Variants in DZANK1 observed in about 807,000 individuals in gnomAD.
DZANK1 encodes double zinc ribbon and ankyrin repeat-containing protein 1.
A neutral mutation model predicts 94.5 loss-of-function variants in DZANK1; 91 were observed. The ratio of observed to expected loss-of-function variants is 0.96; its 90% CI spans 0.81 to 1.15. The LOEUF (loss-of-function observed/expected upper bound fraction) is 1.15. DZANK1 is among the 50% of genes most tolerant of loss of function. The pLI is 0.00. For synonymous variants in DZANK1, 312 were observed against 325.3 expected, an observed-to-expected ratio of 0.96 and a Z score of 0.44; for missense variants, 903 against 916.4, an observed-to-expected ratio of 0.99 and a Z score of 0.19.
At chr20:18,395,218 G>A (rs2056269091) in intron 15 of DZANK1, among the ~76,000 whole-genome samples, 1 of 152,104 alleles carries the variant, frequency 6.6e-6, no homozygotes, top group Non-Finnish European at 1.5e-5. Flanking sequence ...AAACTTAGCT[G>A]GGTGTGGTGG....
At chr20:18,460,332 A>G (rs778749823) in intron 2 of DZANK1, 26 bp from the exon 3 acceptor site, 7 of 1,479,444 alleles carry the variant, frequency 4.7e-6, no homozygotes, top group South Asian at 1.3e-5. Context: ...CAGGATAACT[A>G]TAATTAACAC....
At chr20:18,390,412 T>C (rs1358218157) in exon 18 of DZANK1, 1 of 1,613,864 alleles carries the variant, frequency 6.2e-7, no homozygotes, top group East Asian at 2.2e-5. Context: ...CAGAGACTCT[T>C]CCTTCCCCCG....
chr20:18,455,688 A>G (rs1482513776), intron 3 of DZANK1, among the ~76,000 whole-genome samples: 1 of 152,180 alleles, frequency 6.6e-6, no homozygotes, highest in Non-Finnish European at 1.5e-5. Flanking sequence ...TGAAGGCTCA[A>G]CTGGGCTGGA....
intron 19 of DZANK1, among the ~76,000 whole-genome samples, chr20:18,388,877 T>G (rs574444855): frequency 2.0e-5 from 3 of 152,364 alleles, no homozygotes; most frequent in African/African-American, 7.2e-5. Context: ...GCAAAGCTAC[T>G]GAAATTTTGG....
intron 9 of DZANK1, 50 bp from the exon 10 acceptor site, chr20:18,427,209 G>C: frequency 7.0e-7 from 1 of 1,425,564 alleles, no homozygotes; most frequent in South Asian, 1.2e-5. Flanking sequence ...AAACAACTGT[G>C]CAAAGAAATC....
intron 8 of DZANK1, among the ~76,000 whole-genome samples, chr20:18,438,533 A>T (rs1216313187): frequency 6.6e-6 from 1 of 152,166 alleles, no homozygotes; most frequent in Non-Finnish European, 1.5e-5. Flanking sequence ...AAAGAGCTAG[A>T]GTAGCTACAT....
intron 7 of DZANK1, among the ~76,000 whole-genome samples, chr20:18,445,058 C>T (rs949758111): frequency 1.8e-4 from 28 of 152,148 alleles, no homozygotes; most frequent in African/African-American, 6.3e-4. Flanking sequence ...CCGCCCACCT[C>T]GGCCTCCCAA....
chr20:18,463,231 T>C (rs769174305), intron 2 of DZANK1, among the ~76,000 whole-genome samples: 1 of 152,150 alleles, frequency 6.6e-6, no homozygotes, highest in Non-Finnish European at 1.5e-5. Context: ...TAGTTGGAGG[T>C]CATAATCCTA....
chr20:18,397,815 C>T (rs1439222379), intron 14 of DZANK1, among the ~76,000 whole-genome samples: 4 of 152,124 alleles, frequency 2.6e-5, no homozygotes, highest in African/African-American at 9.7e-5. Flanking sequence ...CACCTACATG[C>T]GGCCACTCCA....
exon 10 of DZANK1, chr20:18,427,115 G>A (rs1352080264): frequency 6.2e-7 from 1 of 1,612,992 alleles, no homozygotes; most frequent in African/African-American, 1.3e-5. Flanking sequence ...AGTATCTCAG[G>A]TGAGCAGGAT....
intron 15 of DZANK1, among the ~76,000 whole-genome samples, chr20:18,395,557 A>C (rs545661796): frequency 6.6e-6 from 1 of 152,240 alleles, no homozygotes; most frequent in East Asian, 1.9e-4. Context: ...TCCCCAGCAA[A>C]GTGCCCTCAG....
At chr20:18,397,972 C>A (rs541382928) in intron 14 of DZANK1, among the ~76,000 whole-genome samples, 2 of 152,308 alleles carry the variant, frequency 1.3e-5, no homozygotes, top group South Asian at 4.1e-4. Context: ...GTTAGTCAAA[C>A]AGTCACAGAC....
At chr20:18,463,025 A>G (rs1438258280) in intron 2 of DZANK1, among the ~76,000 whole-genome samples, 1 of 152,204 alleles carries the variant, frequency 6.6e-6, no homozygotes, top group Non-Finnish European at 1.5e-5. Flanking sequence ...TACCCAAAGG[A>G]AAATAAATTG....
intron 16 of DZANK1, 42 bp from the exon 17 acceptor site, chr20:18,393,853 C>A (rs1234318575): frequency 1.6e-6 from 2 of 1,251,146 alleles, no homozygotes; most frequent in African/African-American, 3.0e-5. Context: ...GCCCCTCCCC[C>A]AACTCCCCAC....
intron 2 of DZANK1, among the ~76,000 whole-genome samples, chr20:18,463,267 C>T (rs2059534843): frequency 6.6e-6 from 1 of 152,188 alleles, no homozygotes; most frequent in African/African-American, 2.4e-5. Flanking sequence ...GAACAGAAAA[C>T]GAAATACCAC....
At chr20:18,404,912 T>C (rs2056882613) in intron 13 of DZANK1, among the ~76,000 whole-genome samples, 1 of 150,032 alleles carries the variant, frequency 6.7e-6, no homozygotes, top group Non-Finnish European at 1.5e-5. Flanking sequence ...ACCTTGACTC[T>C]TAGAAAAAAA....
intron 13 of DZANK1, among the ~76,000 whole-genome samples, chr20:18,402,649 C>T (rs960991006): frequency 3.9e-5 from 6 of 152,160 alleles, no homozygotes; most frequent in Non-Finnish European, 5.9e-5. Context: ...AAGTCACCCG[C>T]TTGGCCTTCT....
intron 13 of DZANK1, among the ~76,000 whole-genome samples, chr20:18,400,089 A>C (rs1220870889): frequency 2.6e-5 from 4 of 152,152 alleles, no homozygotes; most frequent in African/African-American, 9.7e-5. Context: ...TTACCTAATA[A>C]AATGGAACTA....
chr20:18,400,771 A>G (rs942098711), intron 13 of DZANK1, among the ~76,000 whole-genome samples: 1 of 152,212 alleles, frequency 6.6e-6, no homozygotes, highest in Non-Finnish European at 1.5e-5. Flanking sequence ...GGCACCTACT[A>G]TTGGTCATGT....
Sources: gnomAD v4.1 joint callset for allele counts (sites outside exome capture counted in the v4.1 genomes callset) on GRCh38, gnomAD v4.1.1 for gene constraint, MANE v1.5 for transcripts, NCBI Gene and HGNC (gene_info 2026-07-23, HGNC 2026-07-21) for gene names.